SPRTN: variants seen among roughly 807,000 people sequenced by gnomAD.
SPRTN encodes the protein SprT-like N-terminal domain, also known as DNA-dependent metalloprotease SPRTN.
In SPRTN, 11 loss-of-function variants were observed where a neutral mutation model predicts 31.9. The observed-to-expected ratio is 0.34, with a 90% CI of 0.22 to 0.57. SPRTN has a LOEUF of 0.57. Among genes scored for constraint, SPRTN ranks in the 20% least tolerant of loss-of-function variants. The probability of loss-of-function intolerance (pLI) is 0.86; values close to 1 mark genes in which losing one functional copy is unlikely to be tolerated. For synonymous variants in SPRTN, 185 were observed against 212.1 expected (o/e 0.87, Z 1.11); for missense variants, 482 against 590.1 (o/e 0.82, Z 1.90).
At position 231,351,482 on chromosome 1, in the gene SPRTN, TAAA is replaced by T; in HGVS notation, c.632_634del (p.Lys211del). ...CAGAAAACCTGTGGAGGCACTTACA[TAAA>T]AATCAAGGAACCAGAGAATTACTCA... On this transcript the variant is annotated inframe_deletion, in exon 4 of 5. Transcript: ENST00000295050. 1 of 1,613,852 alleles carries T rather than the reference TAAA, an allele frequency of 6.2e-7. No individual in the cohort carries two copies. Among genetic ancestry groups the T allele is most frequent in the Non-Finnish European group, 8.5e-7 (1 of 1,179,962 alleles).
At chr1:231,348,463 G>A (rs1296470428) in intron 3 of SPRTN, among the ~76,000 whole-genome samples, 4 of 152,134 alleles carry the variant, frequency 2.6e-5, no homozygotes, top group African/African-American at 7.2e-5. Context: ...CTATCTGTTG[G>A]ATCCTTGTGA....
intron 2 of SPRTN, among the ~76,000 whole-genome samples, chr1:231,340,347 A>G (rs1686844738): frequency 6.6e-6 from 1 of 152,192 alleles, no homozygotes; most frequent in Non-Finnish European, 1.5e-5. Flanking sequence ...AGCCTGGGTG[A>G]CAGAGCAAGA....
At chr1:231,346,106 C>T (rs1025165775) in intron 2 of SPRTN, among the ~76,000 whole-genome samples, 23 of 151,928 alleles carry the variant, frequency 1.5e-4, no homozygotes, top group African/African-American at 1.9e-4. Flanking sequence ...TGAGCCACCA[C>T]GCCTGACCAT....
At chr1:231,340,342 G>A (rs773799232) in intron 2 of SPRTN, among the ~76,000 whole-genome samples, 6 of 152,194 alleles carry the variant, frequency 3.9e-5, no homozygotes, top group Non-Finnish European at 8.8e-5. Context: ...ACTCCAGCCT[G>A]GGTGACAGAG....
At chr1:231,340,869 T>C (rs1686864718) in intron 2 of SPRTN, among the ~76,000 whole-genome samples, 1 of 151,930 alleles carries the variant, frequency 6.6e-6, no homozygotes, top group Non-Finnish European at 1.5e-5. Flanking sequence ...GTGGGAAGCA[T>C]GTTAAAACAT....
Position 231,353,869 on chromosome 1 carries a change from T to C in SPRTN, c.*508T>C, listed in dbSNP as rs998348731. 4 of 953,256 alleles carry C rather than the reference T, an allele frequency of 4.2e-6. No homozygotes were observed. Among genetic ancestry groups the C allele is most frequent in the Non-Finnish European group, 3.7e-6 (3 of 800,558 alleles). The allele number at this position is 953,256 out of a possible 1,614,324, so 59.0% of individuals were successfully genotyped here. A position where few individuals can be genotyped will look rare whatever the true frequency, so the allele number is the denominator to read the frequency against. ...AAATTGTATTATTTATTAATTTTTTTGTTTGCAAAATCTTAACAGGAACTG... is the reference window on the plus strand; with the variant it reads ...AAATTGTATTATTTATTAATTTTTTCGTTTGCAAAATCTTAACAGGAACTG... On this transcript the variant is annotated 3_prime_UTR_variant, in exon 5 of 5. Coordinates refer to ENST00000295050, the MANE Select transcript of SPRTN (RefSeq NM_032018.7).
rs1393954145 is a variant in SPRTN, at chr1:231,353,877, A to G, written c.*516A>G. ...TTATTTATTAATTTTTTTGTTTGCA[A>G]AATCTTAACAGGAACTGTATTTTCT... On this transcript the variant is annotated 3_prime_UTR_variant, in exon 5 of 5. Transcript: ENST00000295050. 1 of 948,072 alleles carries G rather than the reference A, an allele frequency of 1.1e-6. No homozygotes were observed. The allele number at this position is 948,072 out of a possible 1,614,324, so 58.7% of individuals were successfully genotyped here.
chr1:231,348,810 G>T (rs935720503), intron 3 of SPRTN, among the ~76,000 whole-genome samples: 4 of 152,090 alleles, frequency 2.6e-5, no homozygotes, highest in African/African-American at 9.7e-5. Context: ...CGCAGGGTAG[G>T]TCTTGCCCAT....
chr1:231,346,183 CTT>C (rs71583771), intron 2 of SPRTN, among the ~76,000 whole-genome samples: 1,534 of 88,914 alleles, frequency 0.017, 26 homozygotes, highest in African/African-American at 0.052. Flanking sequence ...CTTTTCTTTT[CTT>C]TTTTTTTTTT....
At chr1:231,345,075 G>T (rs1687012317) in intron 2 of SPRTN, among the ~76,000 whole-genome samples, 1 of 151,676 alleles carries the variant, frequency 6.6e-6, no homozygotes, top group Non-Finnish European at 1.5e-5. Context: ...AAAATACTAT[G>T]TACATTCTTC....
chr1:231,345,102 C>T (rs562394160), intron 2 of SPRTN, among the ~76,000 whole-genome samples: 1 of 151,816 alleles, frequency 6.6e-6, no homozygotes, highest in East Asian at 1.9e-4. Context: ...TTGTCTTTTT[C>T]TTTTTCTTTT....
chr1:231,352,314 A>G (rs1337970774), intron 4 of SPRTN: 1 of 1,086,770 alleles, frequency 9.2e-7, no homozygotes, highest in Non-Finnish European at 1.1e-6. Flanking sequence ...GGAATTACAC[A>G]TAAAGGACAC....
chr1:231,348,887 C>A (rs1038602088), intron 3 of SPRTN, among the ~76,000 whole-genome samples: 1 of 152,184 alleles, frequency 6.6e-6, no homozygotes, highest in Non-Finnish European at 1.5e-5. Flanking sequence ...AGATTAAATT[C>A]TTTCTTATGT....
In SPRTN at chr1:231,353,810, T is replaced by TC; in HGVS notation, c.*450dup. On this transcript the variant is annotated 3_prime_UTR_variant, in exon 5 of 5. Coordinates refer to ENST00000295050, the MANE Select transcript of SPRTN (RefSeq NM_032018.7). The stretch of plus-strand genomic sequence containing the variant: ...TCAGACATACTGACCAAAACCACAA[T>TC]CTAGACTACAAAGTATATTGTTTTA... 1.0e-6 allele frequency: 1 copy of TC among 977,022 alleles called. No individual in the cohort carries two copies. Among genetic ancestry groups the TC allele is most frequent in the Non-Finnish European group, 1.2e-6 (1 of 822,170 alleles). 60.5% of individuals were successfully genotyped at this position (977,022 alleles called of 1,614,324 possible).
rs1246615933 is a variant in SPRTN at position 231,353,814 on chromosome 1, GACT to G, written c.*456_*458del. 2.1e-6 allele frequency: 2 copies of G among 974,826 alleles called. No individual in the cohort carries two copies. The highest frequency in any genetic ancestry group is 2.4e-6 in the Non-Finnish European group (2 of 820,446). 60.4% of individuals were successfully genotyped at this position (974,826 alleles called of 1,614,324 possible). A position where few individuals can be genotyped will look rare whatever the true frequency, so the allele number is the denominator to read the frequency against. On this transcript the variant is annotated 3_prime_UTR_variant, in exon 5 of 5. Transcript: ENST00000295050. ...ACATACTGACCAAAACCACAATCTA[GACT>G]ACAAAGTATATTGTTTTAGAGTACT...
chr1:231,354,997 A>C lies in SPRTN; in HGVS notation c.*1636A>C. 1 of 856,090 alleles carries C rather than the reference A, an allele frequency of 1.2e-6. No individual in the cohort carries two copies. The highest frequency in any genetic ancestry group is 1.4e-6 in the Non-Finnish European group (1 of 711,964). 53.0% of individuals were successfully genotyped at this position (856,090 alleles called of 1,614,324 possible). A position where few individuals can be genotyped will look rare whatever the true frequency, so the allele number is the denominator to read the frequency against. ...TTGATATTCCTTAAAGCATTAAAAC[A>C]TTTTAATAAATACTTATAAATAGGT... On this transcript the variant is annotated 3_prime_UTR_variant, in exon 5 of 5. Coordinates refer to ENST00000295050, the MANE Select transcript of SPRTN (RefSeq NM_032018.7).
chr1:231,347,639 C>A, intron 2 of SPRTN, 158 bp from the exon 3 acceptor site: 1 of 834,946 alleles, frequency 1.2e-6, no homozygotes, highest in Non-Finnish European at 1.7e-6. Flanking sequence ...GTTGGGATTA[C>A]AGGTGTGAGC....
At chr1:231,342,500 G>A (rs535149574) in intron 2 of SPRTN, among the ~76,000 whole-genome samples, 101 of 149,986 alleles carry the variant, frequency 6.7e-4, no homozygotes, top group Non-Finnish European at 1.0e-3. Context: ...ATATGATCTC[G>A]GCTCACTGCA....
rs759243080 is a variant in SPRTN, at chr1:231,347,939, T to C, written c.450+14T>C. ...GCCAATATAACGGTATAGAAAGCCATATCTATTTATGATGTTTAGTAGTTG... is the reference window on the plus strand; with the variant it reads ...GCCAATATAACGGTATAGAAAGCCACATCTATTTATGATGTTTAGTAGTTG... On this transcript the variant is annotated intron_variant, in intron 3 of 4. Transcript: ENST00000295050. 1.9e-5 allele frequency: 31 copies of C among 1,602,388 alleles called. No individual in the cohort carries two copies. Among genetic ancestry groups the C allele is most frequent in the Non-Finnish European group, 2.5e-5 (29 of 1,177,234 alleles).
Sources: gnomAD v4.1 joint callset for allele counts (sites outside exome capture counted in the v4.1 genomes callset) on GRCh38, gnomAD v4.1.1 for gene constraint, MANE v1.5 for transcripts, NCBI Gene and HGNC (gene_info 2026-07-23, HGNC 2026-07-21) for gene names.